Variants in RIMS1 observed in about 807,000 individuals in gnomAD.
RIMS1 encodes the protein regulating synaptic membrane exocytosis protein 1.
In RIMS1, 83 loss-of-function variants were observed where a neutral mutation model predicts 214.1. The ratio of observed to expected loss-of-function variants is 0.39; its 90% CI spans 0.32 to 0.47. RIMS1 has a LOEUF of 0.47. RIMS1 is among the 20% of genes least tolerant of loss of function. The pLI is 0.99. For missense variants in RIMS1, 2,050 were observed against 2,161.8 expected (o/e 0.95, Z 1.03); for synonymous variants, 793 against 786.8 (o/e 1.01, Z -0.13).
intron 2 of RIMS1, among the ~76,000 whole-genome samples, chr6:72,017,353 T>C (rs1813103449): frequency 2.0e-5 from 3 of 152,244 alleles, no homozygotes; most frequent in Admixed American, 2.0e-4. Flanking sequence ...GCCATTATGG[T>C]AGTTTGATAA....
At chr6:71,998,953 A>G (rs1804294210) in intron 2 of RIMS1, among the ~76,000 whole-genome samples, 1 of 152,094 alleles carries the variant, frequency 6.6e-6, no homozygotes, top group Non-Finnish European at 1.5e-5. Flanking sequence ...GACTAGCATT[A>G]CCCTTTTTCT....
In RIMS1 at chr6:72,245,804, G is replaced by T; in HGVS notation, c.2082-11G>T. 1 of 1,604,950 alleles carries T rather than the reference G, an allele frequency of 6.2e-7. No homozygotes were observed. Among genetic ancestry groups the T allele is most frequent in the Non-Finnish European group, 8.5e-7 (1 of 1,172,018 alleles). On this transcript the variant is annotated splice_polypyrimidine_tract_variant and intron_variant, in intron 10 of 33. Transcript: ENST00000521978. ...ACTAATGGGATTTTCACCATATCCTGTTTCTTTTAGTGACATTCCCCGGAT... is the reference window on the plus strand; with the variant it reads ...ACTAATGGGATTTTCACCATATCCTTTTTCTTTTAGTGACATTCCCCGGAT...
intron 1 of RIMS1, among the ~76,000 whole-genome samples, chr6:71,921,355 G>A (rs780948848): frequency 1.1e-4 from 16 of 152,122 alleles, no homozygotes; most frequent in Non-Finnish European, 2.1e-4. Flanking sequence ...CCCTGACCTC[G>A]TGATCCACCC....
At chr6:72,321,038 T>C (rs1208364550) in intron 28 of RIMS1, among the ~76,000 whole-genome samples, 1 of 152,072 alleles carries the variant, frequency 6.6e-6, no homozygotes, top group African/African-American at 2.4e-5. Flanking sequence ...AAGTGCGGAT[T>C]GATTGATATT....
At chr6:72,220,088 C>T (rs1027632966) in intron 6 of RIMS1, among the ~76,000 whole-genome samples, 3 of 152,036 alleles carry the variant, frequency 2.0e-5, no homozygotes, top group Non-Finnish European at 2.9e-5. Context: ...TCACAAAGCT[C>T]ATTTTCTCTG....
intron 1 of RIMS1, among the ~76,000 whole-genome samples, chr6:71,951,718 C>G (rs539812099): frequency 1.6e-3 from 236 of 150,414 alleles, no homozygotes; most frequent in Non-Finnish European, 2.5e-3. Context: ...AAGCTGGTCT[C>G]GAACTGTTGG....
In RIMS1 at chr6:72,165,950, T is replaced by C. The variant is rs985588777; in HGVS notation, c.472-13625T>C. On this transcript the variant is annotated intron_variant, in intron 4 of 33. Transcript: ENST00000521978. The stretch of plus-strand genomic sequence containing the variant: ...TTTTTCAGTCATTAAATATGGTATA[T>C]GTCTGCATTTATTTTGCTCTTCGTA... Among the ~76,000 whole-genome samples the C allele has an allele frequency of 2.6e-5, 4 of 152,254 alleles. No homozygotes were observed. The East Asian group carries it at 7.7e-4, about 29-fold the overall frequency.
intron 4 of RIMS1, among the ~76,000 whole-genome samples, chr6:72,110,943 A>G (rs1023956620): frequency 6.6e-6 from 1 of 152,200 alleles, no homozygotes; most frequent in Non-Finnish European, 1.5e-5. Context: ...ATTAGTGGAT[A>G]TGGTGTATAA....
At chr6:71,984,172 T>C (rs1206329309) in intron 2 of RIMS1, among the ~76,000 whole-genome samples, 1 of 152,194 alleles carries the variant, frequency 6.6e-6, no homozygotes, top group African/African-American at 2.4e-5. Context: ...ATTTCTCTAA[T>C]ATGTTTCTAT....
rs1366947706 is a variant in RIMS1, at chr6:72,160,795, T to C, written c.472-18780T>C. Among the ~76,000 whole-genome samples the C allele has an allele frequency of 1.3e-4, 19 of 141,222 alleles. 3 individuals carry two copies. The highest frequency in any genetic ancestry group is 1.2e-3 in the Admixed American group (17 of 13,790). 92.6% of individuals were successfully genotyped at this position (141,222 alleles called of 152,430 possible). On this transcript the variant is annotated intron_variant, in intron 4 of 33. Transcript: ENST00000521978. ...CTGGATTTGGTTTGCCAGTATTTTA[T>C]TGAGGATTTTTGTATCGATGTTCAT...
chr6:72,008,841 A>G (rs995334822), intron 2 of RIMS1, among the ~76,000 whole-genome samples: 6 of 152,206 alleles, frequency 3.9e-5, no homozygotes, highest in Non-Finnish European at 7.3e-5. Context: ...TTAGAGACCT[A>G]CAAAGAGACT....
chr6:72,380,812 A>C (rs1322988417), intron 29 of RIMS1, among the ~76,000 whole-genome samples: 9 of 152,140 alleles, frequency 5.9e-5, no homozygotes, highest in Admixed American at 5.2e-4. Flanking sequence ...GATTACAGGC[A>C]TAAGCCACCA....
intron 29 of RIMS1, among the ~76,000 whole-genome samples, chr6:72,380,502 T>G (rs1451485073): frequency 6.6e-6 from 1 of 152,178 alleles, no homozygotes; most frequent in East Asian, 1.9e-4. Context: ...TAAGGAGATA[T>G]TCTAGGTTTA....
intron 29 of RIMS1, among the ~76,000 whole-genome samples, chr6:72,370,728 C>A (rs1042078583): frequency 6.6e-6 from 1 of 152,038 alleles, no homozygotes; most frequent in Non-Finnish European, 1.5e-5. Context: ...ATTTAGAAAG[C>A]AGACATAAAT....
intron 27 of RIMS1, among the ~76,000 whole-genome samples, chr6:72,313,149 A>G (rs1448365104): frequency 6.6e-6 from 1 of 152,180 alleles, no homozygotes; most frequent in Non-Finnish European, 1.5e-5. Context: ...GGTGAATAAA[A>G]TGGACAAGAA....
chr6:72,236,784 A>T (rs1352713854), intron 8 of RIMS1, among the ~76,000 whole-genome samples: 25 of 1,516 alleles, frequency 0.016, 1 homozygote, highest in Admixed American at 0.13. Context: ...CTGATGAGCT[A>T]AAAAAAAAAA....
At chr6:72,228,921 A>G (rs2061116191) in intron 6 of RIMS1, among the ~76,000 whole-genome samples, 1 of 151,854 alleles carries the variant, frequency 6.6e-6, no homozygotes, top group African/African-American at 2.4e-5. Context: ...TATGTTGAGT[A>G]TCTTTGGTGG....
At chr6:72,047,670 A>G (rs1222303165) in intron 2 of RIMS1, among the ~76,000 whole-genome samples, 1 of 152,170 alleles carries the variant, frequency 6.6e-6, no homozygotes, top group African/African-American at 2.4e-5. Flanking sequence ...GAGGACATAC[A>G]AATAATCTAA....
intron 1 of RIMS1, among the ~76,000 whole-genome samples, chr6:71,924,393 T>G (rs577517798): frequency 6.6e-6 from 1 of 152,178 alleles, no homozygotes; most frequent in African/African-American, 2.4e-5. Flanking sequence ...AGTAAAGGAA[T>G]TTAGGGACGT....
Sources: allele counts gnomAD v4.1 joint callset (sites outside exome capture counted in the v4.1 genomes callset), GRCh38; gene constraint gnomAD v4.1.1; transcripts MANE v1.5; gene names NCBI Gene and HGNC (gene_info 2026-07-23, HGNC 2026-07-21).